Variants in SPATA6 observed in about 807,000 individuals in gnomAD.
SPATA6 encodes the protein spermatogenesis associated 6, also known as spermatogenesis-associated protein 6.
Under a neutral mutation model 65.3 loss-of-function variants are expected in SPATA6, and 56 were observed. That is an observed-to-expected ratio of 0.86 (90% CI 0.69 to 1.07). SPATA6 has a LOEUF of 1.07. Ranked by LOEUF, SPATA6 falls within the 50% of genes least tolerant of loss-of-function variation. The pLI is 0.00. For missense variants in SPATA6, 590 were observed against 594.8 expected, an observed-to-expected ratio of 0.99 and a Z score of 0.08; for synonymous variants, 199 against 213.2, an observed-to-expected ratio of 0.93 and a Z score of 0.58.
intron 8 of SPATA6, among the ~76,000 whole-genome samples, chr1:48,393,556 A>C (rs981847914): frequency 6.6e-6 from 1 of 152,156 alleles, no homozygotes; most frequent in African/African-American, 2.4e-5. Context: ...AGCTTTATAG[A>C]TTAGTTAATA....
intron 11 of SPATA6, among the ~76,000 whole-genome samples, chr1:48,330,047 C>T (rs1394970285): frequency 6.6e-6 from 1 of 152,206 alleles, no homozygotes; most frequent in East Asian, 1.9e-4. Context: ...CTGCAGTCAG[C>T]TACGGTGCCA....
At chr1:48,391,332 C>T (rs1650045177) in intron 8 of SPATA6, among the ~76,000 whole-genome samples, 1 of 151,252 alleles carries the variant, frequency 6.6e-6, no homozygotes, top group Middle Eastern at 3.2e-3. Flanking sequence ...AGCCATGTTA[C>T]ACCACGCCCA....
chr1:48,457,769 G>A (rs1282028011), intron 1 of SPATA6, among the ~76,000 whole-genome samples: 1 of 152,018 alleles, frequency 6.6e-6, no homozygotes, highest in Non-Finnish European at 1.5e-5. Flanking sequence ...AGGTTGAACT[G>A]AAAGGATACT....
chr1:48,466,143 G>T (rs999731418), intron 1 of SPATA6, among the ~76,000 whole-genome samples: 1 of 151,956 alleles, frequency 6.6e-6, no homozygotes, highest in African/African-American at 2.4e-5. Flanking sequence ...GGAAATATGT[G>T]CAAATATATT....
chr1:48,442,465 G>T (rs1470590696), intron 3 of SPATA6, among the ~76,000 whole-genome samples: 1 of 151,956 alleles, frequency 6.6e-6, no homozygotes, highest in Non-Finnish European at 1.5e-5. Context: ...AAAAGGGAAG[G>T]AGAGAGGAGA....
At chr1:48,384,699 C>G (rs1485582308) in intron 9 of SPATA6, among the ~76,000 whole-genome samples, 6 of 152,080 alleles carry the variant, frequency 3.9e-5, no homozygotes, top group African/African-American at 9.7e-5. Flanking sequence ...ATTGGTATAT[C>G]TTTTACACCT....
intron 9 of SPATA6, among the ~76,000 whole-genome samples, chr1:48,369,907 T>TAG: frequency 6.6e-6 from 1 of 152,308 alleles, no homozygotes; most frequent in Non-Finnish European, 1.5e-5. Context: ...CTCCTCCTAT[T>TAG]CGGCCATCTT....
chr1:48,351,831 G>C (rs1346236951), intron 11 of SPATA6, among the ~76,000 whole-genome samples: 1 of 151,928 alleles, frequency 6.6e-6, no homozygotes, highest in Non-Finnish European at 1.5e-5. Context: ...TATTTTCAGG[G>C]ATGTGCAAGA....
At chr1:48,468,834 T>A (rs949641870) in intron 1 of SPATA6, among the ~76,000 whole-genome samples, 3 of 152,264 alleles carry the variant, frequency 2.0e-5, no homozygotes, top group Non-Finnish European at 4.4e-5. Context: ...ATGGAACTCA[T>A]GTTTGGGACA....
At chr1:48,338,125 C>T (rs901076734) in intron 11 of SPATA6, among the ~76,000 whole-genome samples, 10 of 151,910 alleles carry the variant, frequency 6.6e-5, no homozygotes, top group African/African-American at 2.2e-4. Context: ...ATAATTAAAC[C>T]AATAAAATAG....
chr1:48,261,506 AT>A, the SPATA6 span, among the ~76,000 whole-genome samples: 1 of 151,952 alleles, frequency 6.6e-6, no homozygotes, highest in African/African-American at 2.4e-5. Flanking sequence ...TGCTGATATT[AT>A]TGTCTTTTCC....
chr1:48,388,396 T>C (rs1420109408), intron 8 of SPATA6, among the ~76,000 whole-genome samples: 2 of 152,080 alleles, frequency 1.3e-5, no homozygotes, highest in Non-Finnish European at 2.9e-5. Flanking sequence ...ATATAACAGA[T>C]GTTCAGATAT....
chr1:48,440,627 T>G lies in SPATA6; in HGVS notation c.238+10925A>C, dbSNP rs533581662. ...GGAAAATTAGGGAAAAGCCCATGAA[T>G]TATTCAATGATGTCCACCATAACTC... On this transcript the variant is annotated intron_variant, in intron 3 of 12. Coordinates refer to ENST00000371847, the MANE Select transcript of SPATA6 (RefSeq NM_019073.4). 2.0e-5 allele frequency among the ~76,000 whole-genome samples: 3 copies of G among 152,268 alleles called. No individual in the cohort carries two copies. The East Asian group carries it at 5.8e-4, about 29-fold the overall frequency.
chr1:48,358,813 C>T (rs1191959638), intron 10 of SPATA6, among the ~76,000 whole-genome samples: 1 of 152,086 alleles, frequency 6.6e-6, no homozygotes, highest in Non-Finnish European at 1.5e-5. Flanking sequence ...CTACAACATG[C>T]CTCCATATAT....
intron 11 of SPATA6, among the ~76,000 whole-genome samples, chr1:48,312,246 A>G (rs989423904): frequency 6.6e-6 from 1 of 152,170 alleles, no homozygotes; most frequent in African/African-American, 2.4e-5. Flanking sequence ...GCTGGAGATA[A>G]AGAGAATGGA....
chr1:48,294,707 C>T (rs1049261805), downstream of SPATA6, among the ~76,000 whole-genome samples: 11 of 152,154 alleles, frequency 7.2e-5, no homozygotes, highest in African/African-American at 2.4e-4. Context: ...TTTTCCTATT[C>T]TCAAAAGTCC....
At chr1:48,374,292 C>A (rs1175861752) in intron 9 of SPATA6, among the ~76,000 whole-genome samples, 1 of 148,630 alleles carries the variant, frequency 6.7e-6, no homozygotes, top group South Asian at 2.1e-4. Context: ...ATCAGTAAAA[C>A]AACAAAAATG....
At chr1:48,433,039 T>A (rs1371221543) in intron 3 of SPATA6, among the ~76,000 whole-genome samples, 1 of 152,066 alleles carries the variant, frequency 6.6e-6, no homozygotes, top group Non-Finnish European at 1.5e-5. Context: ...AAAAAACACA[T>A]AAATACAGCA....
intron 9 of SPATA6, among the ~76,000 whole-genome samples, chr1:48,364,185 T>A (rs1345057678): frequency 6.6e-6 from 1 of 152,266 alleles, no homozygotes; most frequent in Non-Finnish European, 1.5e-5. Context: ...CCACATTTTC[T>A]TAATCCAATC....
Sources: allele counts gnomAD v4.1 joint callset (sites outside exome capture counted in the v4.1 genomes callset), GRCh38; gene constraint gnomAD v4.1.1; transcripts MANE v1.5; gene names NCBI Gene and HGNC (gene_info 2026-07-23, HGNC 2026-07-21).